Variants in ANAPC1 observed in about 807,000 individuals in gnomAD.
ANAPC1 encodes anaphase promoting complex subunit 1.
ANAPC1 carries 36 observed loss-of-function variants against 208.0 expected under a neutral mutation model. The ratio of observed to expected loss-of-function variants is 0.17; its 90% CI spans 0.13 to 0.23. The LOEUF is 0.23. Ranked by LOEUF, ANAPC1 falls within the 10% of genes least tolerant of loss-of-function variation. The pLI is 1.00. For synonymous variants in ANAPC1, 378 were observed against 695.2 expected (o/e 0.54, Z 7.18); for missense variants, 942 against 2,011.6 (o/e 0.47, Z 10.17).
At chr2:111,838,023 T>C (rs1207979903) in intron 18 of ANAPC1, among the ~76,000 whole-genome samples, 2 of 144,100 alleles carry the variant, frequency 1.4e-5, no homozygotes, top group Non-Finnish European at 3.0e-5. Context: ...AGGCGGAGAT[T>C]GCAGTGAGCT....
chr2:111,878,403 C>T (rs2311828), intron 3 of ANAPC1, among the ~76,000 whole-genome samples: 1 of 152,208 alleles, frequency 6.6e-6, no homozygotes, highest in Non-Finnish European at 1.5e-5. Context: ...ACTGCAATGG[C>T]TGCAAAGCAG....
In ANAPC1 at chr2:111,858,233, A is replaced by C. The variant is rs944806764; in HGVS notation, c.1358+73T>G. The C allele has an allele frequency of 5.1e-6, 6 of 1,184,852 alleles. No individual in the cohort carries two copies. In the African/African-American group the frequency reaches 9.5e-5, roughly 19 times the overall value. 73.4% of individuals were successfully genotyped at this position (1,184,852 alleles called of 1,614,324 possible). A position where few individuals can be genotyped will look rare whatever the true frequency, so the allele number is the denominator to read the frequency against. On this transcript the variant is annotated intron_variant, in intron 11 of 47. Coordinates refer to ENST00000341068, the MANE Select transcript of ANAPC1 (RefSeq NM_022662.4). ...ATAAAACTACTTAAGCCAAAAAAAA[A>C]AGGAAAGAAAAGAAAAAGAAAAAGC... is the stretch of plus-strand genomic sequence containing the variant.
intron 9 of ANAPC1, among the ~76,000 whole-genome samples, 161 bp from the exon 10 acceptor site, chr2:111,862,759 T>C (rs1209918533): frequency 5.3e-5 from 8 of 152,120 alleles, no homozygotes; most frequent in Non-Finnish European, 1.0e-4. Context: ...GCTATTTAAA[T>C]GGTTCATGTC....
rs552046098 is a variant in ANAPC1 at position 111,873,966 on chromosome 2, CAGAT to C, written c.376-306_376-303del. 2.2e-3 allele frequency among the ~76,000 whole-genome samples: 333 copies of C among 151,660 alleles called. 1 individual carries two copies. The highest frequency in any genetic ancestry group is 7.8e-3 in the African/African-American group (324 of 41,372). The stretch of plus-strand genomic sequence containing the variant: ...AGAAGACAAGAATCAAAAAATCTAC[CAGAT>C]AGAAACTTTGCAGCAAAAATTCAAA... On this transcript the variant is annotated intron_variant, in intron 3 of 47. Transcript: ENST00000341068.
rs1285073459 is a variant in ANAPC1 at position 111,825,802 on chromosome 2, T to TG, written c.2678dup (p.Gln894ThrfsTer23). ...CTATAGTTATTCTGGTTAAATACTG[T>TG]GAGGATTCATCAGAAACCAAGCTCT... On this transcript the variant is annotated frameshift_variant, in exon 22 of 48. Transcript: ENST00000341068. LOFTEE classifies it high-confidence loss of function. The TG allele has an allele frequency of 6.2e-7, 1 of 1,613,698 alleles. No homozygotes were observed. Among genetic ancestry groups the TG allele is most frequent in the Non-Finnish European group, 8.5e-7 (1 of 1,179,762 alleles).
rs112078388 is a variant in ANAPC1, at chr2:111,856,428, T to C, written c.1515+186A>G. On this transcript the variant is annotated intron_variant, in intron 13 of 47. Transcript: ENST00000341068. ...CAATGCATTTAACAGCAGTGAGCCA[T>C]AGCCCTCCAAATTAGGACCCACCTA... 1,014 of 613,986 alleles carry C rather than the reference T, an allele frequency of 1.7e-3. 6 individuals carry two copies. In the African/African-American group the frequency reaches 0.017, roughly 10 times the overall value. The allele number at this position is 613,986 out of a possible 1,614,324, so 38.0% of individuals were successfully genotyped here.
intron 13 of ANAPC1, among the ~76,000 whole-genome samples, chr2:111,855,559 C>A (rs562782070): frequency 6.6e-6 from 1 of 152,230 alleles, no homozygotes; most frequent in South Asian, 2.1e-4. Flanking sequence ...TCAACACAGA[C>A]AAATCTAAAA....
intron 15 of ANAPC1, 137 bp from the exon 16 acceptor site, chr2:111,847,335 A>G (rs1681148281): frequency 1.6e-6 from 1 of 636,742 alleles, no homozygotes. Context: ...AGAAATGAAC[A>G]CTTCCGAATT....
At chr2:111,775,977 T>A (rs1199154548) in intron 46 of ANAPC1, among the ~76,000 whole-genome samples, 1 of 152,222 alleles carries the variant, frequency 6.6e-6, no homozygotes, top group Admixed American at 6.5e-5. Context: ...TCCAAGTATA[T>A]CCCTCACAAC....
At position 111,868,068 on chromosome 2, in the gene ANAPC1, G is replaced by T. The variant is rs766741167; in HGVS notation, c.640C>A (p.Leu214Met). The T allele has an allele frequency of 1.1e-5, 17 of 1,598,802 alleles. No individual in the cohort carries two copies. Among genetic ancestry groups the T allele is most frequent in the Non-Finnish European group, 1.4e-5 (16 of 1,172,838 alleles). Residue 214 changes from leucine to methionine, a missense_variant, in exon 7 of 48, where the codon CTG (leucine) becomes ATG (methionine). Physicochemically the swap from Leu to Met is conservative, Grantham distance 15. Transcript: ENST00000341068. ...REPLPTMFSM[L>M]HPLDEITPLV... Reference sequence around the variant, plus strand: ...GGAGTTATTTCATCTAGTGGGTGCAGCATGCTGAACATAGTAGGTAAAGGT... The same window carrying T: ...GGAGTTATTTCATCTAGTGGGTGCATCATGCTGAACATAGTAGGTAAAGGT...
intron 11 of ANAPC1, among the ~76,000 whole-genome samples, chr2:111,857,769 TCAG>T (rs1158913557): frequency 1.3e-5 from 2 of 152,160 alleles, no homozygotes; most frequent in Non-Finnish European, 1.5e-5. Flanking sequence ...GTCATAATTC[TCAG>T]TAGTCAAGAG....
rs999781165 is a variant in ANAPC1, at chr2:111,841,138, C to A, written c.2040+2274G>T. 7.9e-5 allele frequency among the ~76,000 whole-genome samples: 12 copies of A among 152,214 alleles called. 1 individual carries two copies. Among genetic ancestry groups the A allele is most frequent in the Admixed American group, 2.0e-4 (3 of 15,280 alleles). ...ATTCCTTCATGTGCTGAAATAGACA[C>A]AAACTCTTAAAAACAGTATCTCACT... On this transcript the variant is annotated intron_variant, in intron 17 of 47. Coordinates refer to ENST00000341068, the MANE Select transcript of ANAPC1 (RefSeq NM_022662.4).
intron 39 of ANAPC1, among the ~76,000 whole-genome samples, chr2:111,786,962 T>C (rs1253553954): frequency 6.7e-6 from 1 of 150,000 alleles, no homozygotes; most frequent in African/African-American, 2.4e-5. Context: ...TCCTGGCTAA[T>C]ACGGTGAAAC....
rs553121206 is a variant in ANAPC1, at chr2:111,824,948, T to C, written c.2812+18A>G. 8.1e-5 allele frequency: 130 copies of C among 1,613,710 alleles called. 1 individual carries two copies. In the South Asian group the frequency reaches 1.4e-3, roughly 17 times the overall value. ...GAGGAAGCACGGCCTAGTTAGGAGG[T>C]AACAAAGAAGCTCTCACCTACATTA... On this transcript the variant is annotated intron_variant, in intron 24 of 47. Coordinates refer to ENST00000341068, the MANE Select transcript of ANAPC1 (RefSeq NM_022662.4).
At chr2:111,831,665 CG>C (rs1680139659) in intron 20 of ANAPC1, among the ~76,000 whole-genome samples, 2 of 151,400 alleles carry the variant, frequency 1.3e-5, no homozygotes, top group African/African-American at 4.9e-5. Context: ...GGTGAAACCC[CG>C]TCTCTACTAA....
chr2:111,840,321 T>C (rs1680694328), intron 17 of ANAPC1, among the ~76,000 whole-genome samples: 1 of 152,208 alleles, frequency 6.6e-6, no homozygotes, highest in Non-Finnish European at 1.5e-5. Context: ...CATTTGCCAA[T>C]GAGGACCATT....
chr2:111,843,927 C>T (rs1251359196), intron 16 of ANAPC1, among the ~76,000 whole-genome samples: 12 of 145,202 alleles, frequency 8.3e-5, no homozygotes, highest in Non-Finnish European at 1.0e-4. Flanking sequence ...TGAGTTCAAG[C>T]GATTCTCCTA....
intron 29 of ANAPC1, among the ~76,000 whole-genome samples, chr2:111,808,032 A>C (rs1407545676): frequency 6.8e-6 from 1 of 146,520 alleles, no homozygotes; most frequent in African/African-American, 2.5e-5. Flanking sequence ...CCCAATCTTC[A>C]CTGGTTCTCT....
intron 47 of ANAPC1, among the ~76,000 whole-genome samples, chr2:111,769,617 AGG>A (rs1676608856): frequency 6.7e-6 from 1 of 148,442 alleles, no homozygotes; most frequent in African/African-American, 2.5e-5. Context: ...TTCTGAAGAG[AGG>A]TGTTTTGGAT....
Sources: allele counts gnomAD v4.1 joint callset (sites outside exome capture counted in the v4.1 genomes callset), GRCh38; gene constraint gnomAD v4.1.1; transcripts MANE v1.5; gene names NCBI Gene and HGNC (gene_info 2026-07-23, HGNC 2026-07-21).